Variants in ASTN2 observed in about 807,000 individuals in gnomAD.
The protein encoded by ASTN2 is astrotactin-2.
Under a neutral mutation model 139.8 loss-of-function variants are expected in ASTN2, and 54 were observed. That is an observed-to-expected ratio of 0.39 (90% confidence interval 0.31 to 0.48). The LOEUF (loss-of-function observed/expected upper bound fraction) is 0.48. Among genes scored for constraint, ASTN2 ranks in the 20% least tolerant of loss-of-function variants. The pLI, the probability that ASTN2 is intolerant of heterozygous loss-of-function variation, is 0.95. For missense variants in ASTN2, 1,565 were observed against 1,725.1 expected (o/e 0.91, Z 1.64); for synonymous variants, 756 against 719.5 (o/e 1.05, Z -0.81).
intron 12 of ASTN2, among the ~76,000 whole-genome samples, chr9:116,809,208 A>G (rs913554462): frequency 6.6e-6 from 1 of 152,164 alleles, no homozygotes; most frequent in African/African-American, 2.4e-5. Flanking sequence ...TTATTGTAGT[A>G]TTGTATATGT....
chr9:117,149,563 G>A (rs10983550), intron 3 of ASTN2, among the ~76,000 whole-genome samples: 19,305 of 152,026 alleles, frequency 0.13, 1,545 homozygotes, highest in Non-Finnish European at 0.18. Flanking sequence ...TGGGGACAAG[G>A]TGATAAGAGA....
At chr9:116,855,039 C>T (rs1378085971) in intron 11 of ASTN2, among the ~76,000 whole-genome samples, 2 of 152,102 alleles carry the variant, frequency 1.3e-5, no homozygotes, top group Non-Finnish European at 2.9e-5. Flanking sequence ...TGCTTCCTGA[C>T]TTTAACAGAT....
intron 2 of ASTN2, among the ~76,000 whole-genome samples, chr9:117,270,145 T>C (rs1031997697): frequency 9.2e-5 from 14 of 152,330 alleles, no homozygotes; most frequent in Admixed American, 7.8e-4. Flanking sequence ...TGGGTATTAG[T>C]TTTTCTTGTT....
At chr9:116,969,929 C>A (rs1228005405) in intron 10 of ASTN2, among the ~76,000 whole-genome samples, 1 of 152,148 alleles carries the variant, frequency 6.6e-6, no homozygotes, top group African/African-American at 2.4e-5. Context: ...AAATCGGTAT[C>A]CCTGGGCCAA....
intron 14 of ASTN2, among the ~76,000 whole-genome samples, chr9:116,733,036 A>C (rs983781918): frequency 1.3e-5 from 2 of 152,234 alleles, no homozygotes; most frequent in Non-Finnish European, 2.9e-5. Context: ...CTTAAAACGA[A>C]CCAAGAAAAC....
intron 10 of ASTN2, among the ~76,000 whole-genome samples, chr9:116,901,838 G>A (rs905193823): frequency 6.6e-6 from 1 of 152,126 alleles, no homozygotes; most frequent in Non-Finnish European, 1.5e-5. Context: ...GGCCAGCCTG[G>A]CCAACATGGT....
At chr9:117,351,234 C>A (rs1049252237) in intron 1 of ASTN2, among the ~76,000 whole-genome samples, 1 of 152,168 alleles carries the variant, frequency 6.6e-6, no homozygotes, top group Non-Finnish European at 1.5e-5. Context: ...AATCCCAGCT[C>A]AAAAACCTTA....
chr9:116,642,132 C>CAAAAAAAAAAAAA (rs1252642911), intron 17 of ASTN2, among the ~76,000 whole-genome samples: 3 of 48,934 alleles, frequency 6.1e-5, no homozygotes, highest in East Asian at 8.3e-4. Context: ...TCCCAACCCA[C>CAAAAAAAAAAAAA]AAAAAAAAAA....
intron 13 of ASTN2, among the ~76,000 whole-genome samples, chr9:116,789,623 C>T (rs1430271458): frequency 6.6e-6 from 1 of 152,190 alleles, no homozygotes; most frequent in African/African-American, 2.4e-5. Flanking sequence ...CATTTCAATT[C>T]AGGGCATCTC....
At chr9:117,265,821 A>C (rs983701692) in intron 2 of ASTN2, among the ~76,000 whole-genome samples, 3 of 152,192 alleles carry the variant, frequency 2.0e-5, no homozygotes, top group African/African-American at 7.2e-5. Context: ...AAAAAAAAAA[A>C]AAAATCTCCT....
intron 11 of ASTN2, among the ~76,000 whole-genome samples, chr9:116,831,923 ATCT>A (rs1047002662): frequency 5.9e-5 from 9 of 152,210 alleles, no homozygotes; most frequent in Admixed American, 3.9e-4. Flanking sequence ...TTGTGATTAG[ATCT>A]TCTTTGATTT....
intron 19 of ASTN2, among the ~76,000 whole-genome samples, chr9:116,511,585 C>T (rs1850383432): frequency 6.6e-6 from 1 of 152,114 alleles, no homozygotes; most frequent in African/African-American, 2.4e-5. Flanking sequence ...ATGGTACGAG[C>T]TCTGCCTTGT....
At chr9:117,045,967 TGTATGTATGTATGTACGTAC>T (rs1838724260) in intron 5 of ASTN2, among the ~76,000 whole-genome samples, 2 of 119,514 alleles carry the variant, frequency 1.7e-5, no homozygotes, top group Non-Finnish European at 3.7e-5. Context: ...TATGTATGTA[TGTATGTATGTATGTACGTAC>T]GTACGTATGT....
chr9:117,210,641 A>G (rs1832090420), intron 3 of ASTN2, among the ~76,000 whole-genome samples: 2 of 152,220 alleles, frequency 1.3e-5, no homozygotes, highest in Non-Finnish European at 2.9e-5. Context: ...AGAAGAATTA[A>G]TAACAATTCT....
intron 7 of ASTN2, among the ~76,000 whole-genome samples, chr9:116,990,711 C>T (rs1182571327): frequency 6.6e-6 from 1 of 152,206 alleles, no homozygotes; most frequent in Admixed American, 6.5e-5. Flanking sequence ...CAGAACAGTG[C>T]AGGTTCCCAT....
chr9:116,526,556 A>C (rs906286603), intron 19 of ASTN2, among the ~76,000 whole-genome samples: 1 of 151,938 alleles, frequency 6.6e-6, no homozygotes, highest in African/African-American at 2.4e-5. Context: ...CAGGGGTCAG[A>C]AGTTGCAGTG....
rs377725050 is a variant in ASTN2, at chr9:117,248,036, G to A, written c.631-33294C>T. ...AAATGAGGCCCAGAGGTAATCAGGT[G>A]TATTCACAGACACTATGGTGTGAAA... On this transcript the variant is annotated intron_variant, in intron 2 of 22. Transcript: ENST00000313400. Among the ~76,000 whole-genome samples the A allele has an allele frequency of 2.0e-5, 3 of 152,318 alleles. No individual in the cohort carries two copies. In the East Asian group the frequency reaches 5.8e-4, roughly 29 times the overall value.
At chr9:116,509,853 G>A (rs543969929) in intron 19 of ASTN2, among the ~76,000 whole-genome samples, 2 of 152,142 alleles carry the variant, frequency 1.3e-5, no homozygotes, top group African/African-American at 4.8e-5. Flanking sequence ...TGATGGGGTT[G>A]TTTCTTTTTT....
In ASTN2 at chr9:117,120,049, T is replaced by C. The variant is rs182009624; in HGVS notation, c.1168+21277A>G. On this transcript the variant is annotated intron_variant, in intron 4 of 22. Coordinates refer to ENST00000313400, the MANE Select transcript of ASTN2 (RefSeq NM_001365068.1). ...ATATATATATATATATATATATATA[T>C]ACCCTGAGTATATATACTCAGAGAT... Among the ~76,000 whole-genome samples, 117 of 129,290 alleles carry C rather than the reference T, an allele frequency of 9.0e-4. 1 individual carries two copies. Among genetic ancestry groups the C allele is most frequent in the African/African-American group, 3.5e-3 (112 of 31,724 alleles). The allele number at this position is 129,290 out of a possible 152,430, so 84.8% of individuals were successfully genotyped here.
Sources: allele counts gnomAD v4.1 joint callset (sites outside exome capture counted in the v4.1 genomes callset), GRCh38; gene constraint gnomAD v4.1.1; transcripts MANE v1.5; gene names NCBI Gene and HGNC (gene_info 2026-07-23, HGNC 2026-07-21).